Variants in AFG2A observed in about 807,000 individuals in gnomAD.
The protein encoded by AFG2A is AAA ATPase AFG2A.
the AFG2A span, among the ~76,000 whole-genome samples, chr4:123,189,145 G>A: frequency 6.6e-6 from 1 of 152,162 alleles, no homozygotes; most frequent in Non-Finnish European, 1.5e-5. Context: ...AAGTATATGA[G>A]GTAATATGTG....
At chr4:123,157,173 G>A in the AFG2A span, among the ~76,000 whole-genome samples, 3 of 151,560 alleles carry the variant, frequency 2.0e-5, no homozygotes, top group African/African-American at 4.8e-5. Flanking sequence ...CTGCCACCAC[G>A]CCCAGCTAAT....
At chr4:122,969,847 T>G in the AFG2A span, among the ~76,000 whole-genome samples, 2 of 152,212 alleles carry the variant, frequency 1.3e-5, no homozygotes, top group Non-Finnish European at 2.9e-5. Context: ...CACTTATGAA[T>G]GGCATTTTGT....
the AFG2A span, among the ~76,000 whole-genome samples, chr4:123,227,143 G>T: frequency 6.6e-6 from 1 of 151,828 alleles, no homozygotes; most frequent in Non-Finnish European, 1.5e-5. Context: ...CAATTTTGTT[G>T]ATCTTTTCAG....
the AFG2A span, among the ~76,000 whole-genome samples, chr4:123,228,973 T>C: frequency 1.3e-5 from 2 of 151,948 alleles, no homozygotes; most frequent in Non-Finnish European, 2.9e-5. Context: ...TCATGAACAA[T>C]ACAAGTATGG....
chr4:122,947,197 CA>C, the AFG2A span: 1 of 1,479,366 alleles, frequency 6.8e-7, no homozygotes, highest in Non-Finnish European at 9.0e-7. Context: ...TTCTAACTTT[CA>C]GAAAAATAAA....
the AFG2A span, among the ~76,000 whole-genome samples, chr4:123,292,490 A>G: frequency 6.6e-6 from 1 of 152,040 alleles, no homozygotes; most frequent in African/African-American, 2.4e-5. Flanking sequence ...ATTTGGGTAG[A>G]CTACTTTTTC....
chr4:122,952,811 A>T, the AFG2A span, among the ~76,000 whole-genome samples: 1 of 152,156 alleles, frequency 6.6e-6, no homozygotes, highest in Non-Finnish European at 1.5e-5. Flanking sequence ...CTCTGCGGCA[A>T]TGGGGATGCT....
chr4:123,117,264 G>A, the AFG2A span, among the ~76,000 whole-genome samples: 4 of 151,810 alleles, frequency 2.6e-5, no homozygotes, highest in East Asian at 1.9e-4. Context: ...TTGAACCTCC[G>A]TTTTCAAGCA....
chr4:123,085,200 G>C, the AFG2A span, among the ~76,000 whole-genome samples: 635 of 152,266 alleles, frequency 4.2e-3, 6 homozygotes, highest in Non-Finnish European at 6.5e-3. Context: ...GTATGAATTA[G>C]TGTGTAGATA....
chr4:122,965,585 AT>A, the AFG2A span, among the ~76,000 whole-genome samples: 1 of 152,174 alleles, frequency 6.6e-6, no homozygotes, highest in Non-Finnish European at 1.5e-5. Flanking sequence ...AAGATGATAC[AT>A]TTTTTGTTGA....
the AFG2A span, among the ~76,000 whole-genome samples, chr4:123,087,465 T>G: frequency 6.6e-6 from 1 of 152,240 alleles, no homozygotes; most frequent in African/African-American, 2.4e-5. Flanking sequence ...ATATTTTCTC[T>G]TGAGGAGCAG....
chr4:123,186,030 G>T, the AFG2A span, among the ~76,000 whole-genome samples: 63 of 152,266 alleles, frequency 4.1e-4, no homozygotes, highest in South Asian at 3.7e-3. Context: ...GTGTCACATA[G>T]GTAATTATTT....
At chr4:122,933,958 T>A in the AFG2A span, 2 of 1,058,186 alleles carry the variant, frequency 1.9e-6, no homozygotes, top group Non-Finnish European at 1.3e-6. Context: ...AGGTCCTCAA[T>A]TTTTTATGAC....
chr4:123,016,748 C>T, the AFG2A span, among the ~76,000 whole-genome samples: 1 of 152,122 alleles, frequency 6.6e-6, no homozygotes. Context: ...GCAATCTTGG[C>T]ACTTTGGGAG....
At chr4:123,052,563 TCTTC>T in the AFG2A span, among the ~76,000 whole-genome samples, 1 of 152,174 alleles carries the variant, frequency 6.6e-6, no homozygotes, top group African/African-American at 2.4e-5. Flanking sequence ...CTCTTCACAG[TCTTC>T]CTTTGTTTGT....
chr4:123,076,125 GC>G, the AFG2A span, among the ~76,000 whole-genome samples: 2 of 152,074 alleles, frequency 1.3e-5, no homozygotes, highest in Non-Finnish European at 2.9e-5. Flanking sequence ...AAAAAAATTA[GC>G]CAGGCACGAT....
the AFG2A span, among the ~76,000 whole-genome samples, chr4:123,063,607 G>A: frequency 5.3e-5 from 8 of 152,156 alleles, no homozygotes; most frequent in East Asian, 5.8e-4. Flanking sequence ...TTAGCTGGGC[G>A]TGGTGGCAGA....
chr4:123,009,790 A>G, the AFG2A span, among the ~76,000 whole-genome samples: 3 of 152,212 alleles, frequency 2.0e-5, no homozygotes, highest in Non-Finnish European at 4.4e-5. Flanking sequence ...AATTTTCATC[A>G]CAGTCTAACT....
At chr4:123,154,019 T>C in the AFG2A span, among the ~76,000 whole-genome samples, 5,569 of 152,180 alleles carry the variant, frequency 0.037, 339 homozygotes, top group African/African-American at 0.13. Flanking sequence ...TCAAAGACTT[T>C]TGAAAGACAA....
Sources: allele counts gnomAD v4.1 joint callset (sites outside exome capture counted in the v4.1 genomes callset), GRCh38; gene constraint gnomAD v4.1.1; transcripts MANE v1.5; gene names NCBI Gene and HGNC (gene_info 2026-07-23, HGNC 2026-07-21).